The following NEDD4L variants were observed in gnomAD, a reference collection of about 807,000 sequenced individuals.
NEDD4L encodes E3 ubiquitin-protein ligase NEDD4-like.
NEDD4L carries 54 observed loss-of-function variants against 148.9 expected under a neutral mutation model. The ratio of observed to expected loss-of-function variants is 0.36; its 90% CI spans 0.29 to 0.45. NEDD4L has a LOEUF of 0.45. NEDD4L is among the 20% of genes least tolerant of loss of function. The pLI, the probability that NEDD4L is intolerant of heterozygous loss-of-function variation, is 1.00. For missense variants in NEDD4L, 856 were observed against 1,233.8 expected (o/e 0.69, Z 4.59); for synonymous variants, 433 against 440.7 (o/e 0.98, Z 0.22).
At chr18:58,238,877 A>G (rs893847251) in intron 2 of NEDD4L, among the ~76,000 whole-genome samples, 1 of 152,132 alleles carries the variant, frequency 6.6e-6, no homozygotes, top group African/African-American at 2.4e-5. Flanking sequence ...ATCTTTGACA[A>G]TTTGTTAGAT....
chr18:58,341,254 A>G (rs1385505907), intron 14 of NEDD4L, 85 bp downstream of exon 14: 5 of 1,469,954 alleles, frequency 3.4e-6, no homozygotes, highest in Non-Finnish European at 3.7e-6. Flanking sequence ...GTGTTTATGT[A>G]TTGTTCTGAA....
chr18:58,162,643 A>G (rs954999636), intron 1 of NEDD4L, among the ~76,000 whole-genome samples: 4 of 150,834 alleles, frequency 2.7e-5, no homozygotes, highest in African/African-American at 9.8e-5. Context: ...TGCTTGAGGC[A>G]GGAACTCTGT....
At chr18:58,190,848 G>A (rs2040027696) in intron 2 of NEDD4L, among the ~76,000 whole-genome samples, 1 of 152,172 alleles carries the variant, frequency 6.6e-6, no homozygotes, top group Non-Finnish European at 1.5e-5. Context: ...TAAAAAGGCT[G>A]GGTATGGTGG....
chr18:58,070,966 A>G (rs2082842172), intron 1 of NEDD4L, among the ~76,000 whole-genome samples: 1 of 152,170 alleles, frequency 6.6e-6, no homozygotes, highest in Non-Finnish European at 1.5e-5. Context: ...ATTAGATAAA[A>G]TTTCTAGTCT....
intron 15 of NEDD4L, among the ~76,000 whole-genome samples, chr18:58,342,022 C>G (rs2042494716): frequency 6.6e-6 from 1 of 152,222 alleles, no homozygotes; most frequent in African/African-American, 2.4e-5. Context: ...TTGGCTAAGG[C>G]CGTGGTGACT....
intron 11 of NEDD4L, among the ~76,000 whole-genome samples, chr18:58,333,538 C>T (rs1042053657): frequency 6.6e-6 from 1 of 152,184 alleles, no homozygotes; most frequent in Non-Finnish European, 1.5e-5. Context: ...TAGAGTGTTG[C>T]AGAGTCCTGT....
chr18:58,183,559 C>T (rs532944150), intron 2 of NEDD4L, among the ~76,000 whole-genome samples: 1 of 152,334 alleles, frequency 6.6e-6, no homozygotes, highest in South Asian at 2.1e-4. Flanking sequence ...CAGCTGCTCA[C>T]CTGCAGCACC....
chr18:58,270,450 G>GC (rs1276388098), intron 5 of NEDD4L, among the ~76,000 whole-genome samples: 5 of 152,146 alleles, frequency 3.3e-5, no homozygotes, highest in African/African-American at 1.2e-4. Flanking sequence ...CAAATGAACT[G>GC]CCCATAGTCT....
At chr18:58,098,317 C>T (rs2084548774) in intron 1 of NEDD4L, among the ~76,000 whole-genome samples, 1 of 152,112 alleles carries the variant, frequency 6.6e-6, no homozygotes, top group Non-Finnish European at 1.5e-5. Context: ...CCTCTTCAGG[C>T]CCCACATTGC....
chr18:58,073,138 A>G (rs1239175174), intron 1 of NEDD4L, among the ~76,000 whole-genome samples: 1 of 152,188 alleles, frequency 6.6e-6, no homozygotes, highest in Admixed American at 6.5e-5. Context: ...ACGGATTAGA[A>G]GACTTACATT....
At chr18:58,204,777 T>C (rs756108124) in intron 2 of NEDD4L, among the ~76,000 whole-genome samples, 1 of 152,208 alleles carries the variant, frequency 6.6e-6, no homozygotes, top group Non-Finnish European at 1.5e-5. Flanking sequence ...ATATGTATTG[T>C]AGATCTTTCT....
chr18:58,193,597 C>T (rs1241411711), intron 2 of NEDD4L, among the ~76,000 whole-genome samples: 1 of 152,226 alleles, frequency 6.6e-6, no homozygotes, highest in Non-Finnish European at 1.5e-5. Context: ...TTTCCACGGC[C>T]TTCACGTCAT....
intron 1 of NEDD4L, among the ~76,000 whole-genome samples, chr18:58,072,524 T>C (rs1435937001): frequency 1.3e-5 from 2 of 152,214 alleles, no homozygotes; most frequent in African/African-American, 4.8e-5. Flanking sequence ...TTTGATAATA[T>C]TCAGTACTTT....
chr18:58,206,656 A>G (rs572797588), intron 2 of NEDD4L, among the ~76,000 whole-genome samples: 16 of 152,196 alleles, frequency 1.1e-4, no homozygotes, highest in Admixed American at 2.0e-4. Context: ...AACTTAAGAT[A>G]TGTGGGAGAA....
intron 2 of NEDD4L, among the ~76,000 whole-genome samples, chr18:58,214,801 T>TTCTTTCTTTC (rs138774457): frequency 5.7e-5 from 1 of 17,486 alleles, no homozygotes; most frequent in South Asian, 2.5e-3. Context: ...CTTTCTTTCA[T>TTCTTTCTTTC]TTTTTTTTTT....
chr18:58,286,053 G>A (rs1017757880), intron 5 of NEDD4L, among the ~76,000 whole-genome samples: 22 of 152,312 alleles, frequency 1.4e-4, no homozygotes, highest in Admixed American at 1.2e-3. Context: ...CATTTTGCAA[G>A]TAGATGCACG....
Position 58,231,912 on chromosome 18 carries a change from G to A in NEDD4L, c.123-13515G>A, listed in dbSNP as rs57991050. Among the ~76,000 whole-genome samples, 871 of 152,234 alleles carry A rather than the reference G, an allele frequency of 5.7e-3. 3 individuals carry two copies. Among genetic ancestry groups the A allele is most frequent in the South Asian group, 0.013 (64 of 4,818 alleles). On this transcript the variant is annotated intron_variant, in intron 2 of 30. Coordinates refer to ENST00000400345, the MANE Select transcript of NEDD4L (RefSeq NM_001144967.3). ...TCCATTTCCCACCTAATAGAAAGTC[G>A]GAAGCATAGGGCAAAAGTAAAGGAA... is the stretch of plus-strand genomic sequence containing the variant.
chr18:58,327,770 T>G (rs1253148779), intron 9 of NEDD4L, among the ~76,000 whole-genome samples: 1 of 152,168 alleles, frequency 6.6e-6, no homozygotes, highest in Non-Finnish European at 1.5e-5. Context: ...TTTCAACTTT[T>G]GAGATACTGA....
Position 58,118,719 on chromosome 18 carries a change from A to G in NEDD4L, c.49-47069A>G, listed in dbSNP as rs73959494. On this transcript the variant is annotated intron_variant, in intron 1 of 30. Coordinates refer to ENST00000400345, the MANE Select transcript of NEDD4L (RefSeq NM_001144967.3). ...GTCCTGAAATACTTACCAAATCACT[A>G]GAGCGAAGAGAAGCCCATCTGATTT... Among the ~76,000 whole-genome samples, 395 of 152,254 alleles carry G rather than the reference A, an allele frequency of 2.6e-3. 1 individual carries two copies. Among genetic ancestry groups the G allele is most frequent in the African/African-American group, 9.0e-3 (373 of 41,530 alleles).
Sources: gnomAD v4.1 joint callset for allele counts (sites outside exome capture counted in the v4.1 genomes callset) on GRCh38, gnomAD v4.1.1 for gene constraint, MANE v1.5 for transcripts, NCBI Gene and HGNC (gene_info 2026-07-23, HGNC 2026-07-21) for gene names.